The following PRIM2 variants were observed in gnomAD, a reference collection of about 807,000 sequenced individuals.
The protein encoded by PRIM2 is DNA primase large subunit.
A neutral mutation model predicts 67.3 loss-of-function variants in PRIM2; 39 were observed. That is an observed-to-expected ratio of 0.58 (90% CI 0.45 to 0.76). The LOEUF is 0.76. PRIM2 is among the 30% of genes least tolerant of loss of function. The pLI, the probability that PRIM2 is intolerant of heterozygous loss-of-function variation, is 0.00. For missense variants in PRIM2, 398 were observed against 598.7 expected (o/e 0.66, Z 3.50); for synonymous variants, 143 against 198.7 (o/e 0.72, Z 2.36).
the PRIM2 span, among the ~76,000 whole-genome samples, chr6:57,235,242 C>G: frequency 6.6e-6 from 1 of 152,140 alleles, no homozygotes; most frequent in Non-Finnish European, 1.5e-5. Context: ...GCAAGCAGAT[C>G]ACGTGAGATC....
intron 7 of PRIM2, among the ~76,000 whole-genome samples, chr6:57,492,964 C>T (rs1562775742): frequency 6.6e-6 from 1 of 152,166 alleles, no homozygotes; most frequent in African/African-American, 2.4e-5. Flanking sequence ...TACAGCAATA[C>T]ATTATATGTT....
chr6:57,460,448 G>A (rs929809471), intron 7 of PRIM2, among the ~76,000 whole-genome samples: 1 of 151,988 alleles, frequency 6.6e-6, no homozygotes, highest in Non-Finnish European at 1.5e-5. Flanking sequence ...CAGTACTTCC[G>A]AAAACCATCA....
chr6:57,410,426 T>C (rs1771050638), intron 7 of PRIM2, among the ~76,000 whole-genome samples: 1 of 151,972 alleles, frequency 6.6e-6, no homozygotes. Context: ...AATAATTTGA[T>C]CATGGGTATG....
intron 12 of PRIM2, among the ~76,000 whole-genome samples, chr6:57,616,738 C>A (rs1776764245): frequency 6.6e-6 from 1 of 152,068 alleles, no homozygotes. Flanking sequence ...TTTACAACTA[C>A]TATTTCTATC....
intron 10 of PRIM2, among the ~76,000 whole-genome samples, chr6:57,600,135 T>G (rs1776434353): frequency 1.3e-5 from 2 of 152,202 alleles, no homozygotes; most frequent in African/African-American, 4.8e-5. Context: ...TAAAAGCTCC[T>G]ACAAAATGCC....
chr6:57,283,689 G>A, the PRIM2 span, among the ~76,000 whole-genome samples: 2 of 152,080 alleles, frequency 1.3e-5, no homozygotes, highest in African/African-American at 4.8e-5. Flanking sequence ...GTATGTGAAA[G>A]ATTTGTAAGG....
intron 7 of PRIM2, among the ~76,000 whole-genome samples, chr6:57,445,853 T>A (rs978537935): frequency 1.5e-4 from 23 of 152,190 alleles, no homozygotes; most frequent in African/African-American, 5.3e-4. Context: ...GAAAATCTGA[T>A]TACCAAAGGG....
At chr6:57,578,965 C>T (rs1320929016) in intron 10 of PRIM2, among the ~76,000 whole-genome samples, 5 of 152,072 alleles carry the variant, frequency 3.3e-5, no homozygotes, top group Non-Finnish European at 5.9e-5. Flanking sequence ...CGTGAGCCAC[C>T]GCGCCCGGCC....
intron 10 of PRIM2, among the ~76,000 whole-genome samples, chr6:57,579,965 T>A (rs1389825462): frequency 2.0e-5 from 3 of 152,180 alleles, no homozygotes; most frequent in African/African-American, 7.2e-5. Context: ...TAAACCTTTA[T>A]GCACCCAGAA....
chr6:57,320,660 A>G (rs929176737), intron 3 of PRIM2, 100 bp downstream of exon 3: 228 of 688,486 alleles, frequency 3.3e-4, no homozygotes, highest in Middle Eastern at 3.1e-4. Flanking sequence ...GGGCTTTTAT[A>G]AAGACTAATG....
intron 10 of PRIM2, among the ~76,000 whole-genome samples, chr6:57,598,759 A>G (rs1265077820): frequency 6.6e-6 from 1 of 150,794 alleles, no homozygotes; most frequent in African/African-American, 2.4e-5. Context: ...CAGGAGGCTG[A>G]GGTGGGAAGA....
At chr6:57,483,610 A>G (rs1279012684) in intron 7 of PRIM2, among the ~76,000 whole-genome samples, 1 of 152,180 alleles carries the variant, frequency 6.6e-6, no homozygotes, top group African/African-American at 2.4e-5. Context: ...GGCAATTGCT[A>G]ATAATGACTG....
rs1777069798 is a variant in PRIM2, at chr6:57,633,634, G to A, written c.1299+1433G>A. Among the ~76,000 whole-genome samples the A allele has an allele frequency of 2.0e-5, 3 of 151,988 alleles. No individual in the cohort carries two copies. The South Asian group carries it at 6.2e-4, about 32-fold the overall frequency. The stretch of plus-strand genomic sequence containing the variant: ...CAGTCCCCAACCTTTTTGGCACCAG[G>A]GACCAGTTTCATGGAAGACAATTTT... On this transcript the variant is annotated intron_variant, in intron 13 of 13. Coordinates refer to ENST00000615550, the MANE Select transcript of PRIM2 (RefSeq NM_000947.5).
chr6:57,411,807 A>G (rs1176574990), intron 7 of PRIM2, among the ~76,000 whole-genome samples: 3 of 151,576 alleles, frequency 2.0e-5, no homozygotes, highest in Non-Finnish European at 4.4e-5. Flanking sequence ...TTTTGGTATC[A>G]GGTAATGCTG....
intron 5 of PRIM2, 121 bp from the exon 6 acceptor site, chr6:57,379,780 G>A (rs1386718188): frequency 8.8e-6 from 7 of 792,950 alleles, no homozygotes; most frequent in Admixed American, 3.5e-5. Flanking sequence ...AATGATTTGA[G>A]ATATCAAGGT....
intron 13 of PRIM2, among the ~76,000 whole-genome samples, chr6:57,645,474 G>T (rs1234807820): frequency 6.6e-5 from 10 of 151,210 alleles, no homozygotes; most frequent in Non-Finnish European, 1.2e-4. Context: ...TTGAGGGCTT[G>T]GTGTAGATGG....
chr6:57,620,865 TTAAAG>T (rs1351591265), intron 12 of PRIM2, among the ~76,000 whole-genome samples: 6 of 152,188 alleles, frequency 3.9e-5, no homozygotes, highest in South Asian at 2.1e-4. Flanking sequence ...TCACATAAAC[TTAAAG>T]TAAAGATGTG....
chr6:57,252,061 A>G, the PRIM2 span, among the ~76,000 whole-genome samples: 2 of 152,220 alleles, frequency 1.3e-5, no homozygotes, highest in Non-Finnish European at 2.9e-5. Context: ...GATGAAGACC[A>G]TGTCTTATTT....
chr6:57,464,304 G>T lies in PRIM2; in HGVS notation c.694-43083G>T, dbSNP rs552579039. 2.0e-5 allele frequency among the ~76,000 whole-genome samples: 3 copies of T among 151,918 alleles called. No individual in the cohort carries two copies. In the East Asian group the frequency reaches 5.8e-4, roughly 29 times the overall value. On this transcript the variant is annotated intron_variant, in intron 7 of 13. Coordinates refer to ENST00000615550, the MANE Select transcript of PRIM2 (RefSeq NM_000947.5). The stretch of plus-strand genomic sequence containing the variant: ...CCTTTTCTTTTCCCCCCGAGATGGA[G>T]TCTTGCTCTGTCACCCAGGCTGGAG...
Sources: gnomAD v4.1 joint callset for allele counts (sites outside exome capture counted in the v4.1 genomes callset) on GRCh38, gnomAD v4.1.1 for gene constraint, MANE v1.5 for transcripts, NCBI Gene and HGNC (gene_info 2026-07-23, HGNC 2026-07-21) for gene names.